Variants in NEK3 observed in about 807,000 individuals in gnomAD.
NEK3 encodes NIMA related kinase 3, also known as serine/threonine-protein kinase Nek3.
NEK3 carries 54 observed loss-of-function variants against 66.0 expected under a neutral mutation model. That is an observed-to-expected ratio of 0.82 (90% CI 0.66 to 1.03). The LOEUF (loss-of-function observed/expected upper bound fraction) is 1.03, where lower values mean the gene tolerates loss of function less well. Among genes scored for constraint, NEK3 ranks in the 50% least tolerant of loss-of-function variants. The probability of loss-of-function intolerance (pLI) is 0.00; values close to 1 mark genes in which losing one functional copy is unlikely to be tolerated. For missense variants in NEK3, 593 were observed against 603.0 expected (o/e 0.98, Z 0.17); for synonymous variants, 200 against 206.2 (o/e 0.97, Z 0.26).
intron 11 of NEK3, among the ~76,000 whole-genome samples, chr13:52,138,954 G>T (rs1234042759): frequency 6.6e-6 from 1 of 151,942 alleles, no homozygotes; most frequent in Non-Finnish European, 1.5e-5. Context: ...AAGAAAGAAA[G>T]GTTGACTGAA....
Position 52,132,688 on chromosome 13 carries a change from TAA to T in NEK3, c.*452_*453del, listed in dbSNP as rs1263545977. On this transcript the variant is annotated 3_prime_UTR_variant, in exon 16 of 16. Transcript: ENST00000610828. Reference sequence around the variant, plus strand: ...TTAATTCTCAAACCTTTAGGAAATGTAAAAAGAGTCACATAATAATAAACACA... The same window carrying T: ...TTAATTCTCAAACCTTTAGGAAATGTAAAGAGTCACATAATAATAAACACA... The T allele has an allele frequency of 6.5e-6, 1 of 152,998 alleles. No individual in the cohort carries two copies. Among genetic ancestry groups the T allele is most frequent in the Non-Finnish European group, 1.5e-5 (1 of 68,538 alleles). The allele number at this position is 152,998 out of a possible 1,614,324, so 9.5% of individuals were successfully genotyped here.
At chr13:52,158,919 G>C (rs558395248) in intron 1 of NEK3, among the ~76,000 whole-genome samples, 1 of 152,174 alleles carries the variant, frequency 6.6e-6, no homozygotes, top group Non-Finnish European at 1.5e-5. Flanking sequence ...CTAGCACAGA[G>C]GCTAGGATAA....
chr13:52,156,222 C>A lies in NEK3; in HGVS notation c.-31G>T, dbSNP rs766913021. 54 of 1,350,196 alleles carry A rather than the reference C, an allele frequency of 4.0e-5. No individual in the cohort carries two copies. The highest frequency in any genetic ancestry group is 1.9e-4 in the Middle Eastern group (1 of 5,262). The allele number at this position is 1,350,196 out of a possible 1,614,324, so 83.6% of individuals were successfully genotyped here. On this transcript the variant is annotated 5_prime_UTR_variant, in exon 2 of 16. An upstream open reading frame in the 5' UTR loses its in-frame stop. Transcript: ENST00000610828. ...GGCATCCACACAGCTGGGCTCCACT[C>A]ACGCAGTCACCATGGGCTCTCCCAA...
intron 8 of NEK3, among the ~76,000 whole-genome samples, chr13:52,147,845 A>T (rs183558778): frequency 1.0e-3 from 157 of 152,268 alleles, no homozygotes; most frequent in African/African-American, 3.6e-3. Flanking sequence ...TACAAAAAAA[A>T]TTTAGCTGGG....
In NEK3 at chr13:52,136,119, T is replaced by C; in HGVS notation, c.1171A>G (p.Arg391Gly). ...LTSSLTAEDDRGGSVIKYSKN... is the reference protein window; with the variant it reads ...LTSSLTAEDDGGGSVIKYSKN... Reference sequence around the variant, plus strand: ...AGTATTCAATCTGACTACTAACCTCTATCGTCCTCTGCTGTTAAACTGGAG... The same window carrying C: ...AGTATTCAATCTGACTACTAACCTCCATCGTCCTCTGCTGTTAAACTGGAG... The change falls in exon 13 of 16, where the codon AGA becomes GGA. Residue 391 changes from arginine (R) to glycine (G), a missense_variant. Coordinates refer to ENST00000610828, the MANE Select transcript of NEK3 (RefSeq NM_002498.3). 6.2e-7 allele frequency: 1 copy of C among 1,613,744 alleles called. No individual in the cohort carries two copies. Among genetic ancestry groups the C allele is most frequent in the Non-Finnish European group, 8.5e-7 (1 of 1,179,698 alleles).
chr13:52,133,176 T>C lies in NEK3; in HGVS notation c.1487A>G (p.Lys496Arg). Residue 496 changes from lysine to arginine, a missense_variant, in exon 16 of 16, where the codon AAG (lysine) becomes AGG (arginine). By Grantham distance (26) the Lys-to-Arg change is conservative. Coordinates refer to ENST00000610828, the MANE Select transcript of NEK3 (RefSeq NM_002498.3). ...GCACAGGCCTTGCCATCCAGCTCGC[T>C]TCTTCAGCTCTGACACCCAGTCGGG... Reference protein sequence around the residue: ...DNPDWVSELKKRAGWQGLCDR With the variant: ...DNPDWVSELKRRAGWQGLCDR The C allele has an allele frequency of 6.2e-7, 1 of 1,611,342 alleles. No homozygotes were observed. Among genetic ancestry groups the C allele is most frequent in the South Asian group, 1.1e-5 (1 of 90,052 alleles).
intron 2 of NEK3, among the ~76,000 whole-genome samples, chr13:52,154,461 TAGAG>T (rs977960916): frequency 1.1e-4 from 17 of 151,996 alleles, no homozygotes; most frequent in African/African-American, 3.9e-4. Flanking sequence ...TCACCTGACT[TAGAG>T]AGCCAGTTTA....
At position 52,143,920 on chromosome 13, in the gene NEK3, T is replaced by A. The variant is rs2138198741; in HGVS notation, c.872A>T (p.Lys291Ile). The A allele has an allele frequency of 6.9e-7, 1 of 1,456,312 alleles. No individual in the cohort carries two copies. Among genetic ancestry groups the A allele is most frequent in the Non-Finnish European group, 9.4e-7 (1 of 1,067,636 alleles). 90.2% of individuals were successfully genotyped at this position (1,456,312 alleles called of 1,614,324 possible). The change falls in exon 10 of 16, where the codon AAA (lysine) becomes ATA (isoleucine). Residue 291 changes from lysine to isoleucine, a missense_variant. Lys to Ile is a moderately radical substitution (Grantham distance 102, BLOSUM62 -3). Coordinates refer to ENST00000610828, the MANE Select transcript of NEK3 (RefSeq NM_002498.3). ...TACTCTGTCAAAATTCTTACTTTTTTTTCTTGGTGTGTTATGCTTCGAATT... is the reference window on the plus strand; with the variant it reads ...TACTCTGTCAAAATTCTTACTTTTTATTCTTGGTGTGTTATGCTTCGAATT... Reference protein sequence around the residue: ...IKNSKHNTPRKKTNPSRIRIA... With the variant: ...IKNSKHNTPRIKTNPSRIRIA...
Position 52,152,693 on chromosome 13 carries a change from C to G in NEK3, c.310-1G>C. ...ACATTTGGGTAAACCAATTAAGTAT[C>G]TGTAAGAAAAAGGTATGCAAAATCT... On this transcript the variant is annotated splice_acceptor_variant, in intron 4 of 15. Transcript: ENST00000610828. LOFTEE classifies it high-confidence loss of function. 1 of 1,601,072 alleles carries G rather than the reference C, an allele frequency of 6.2e-7. No individual in the cohort carries two copies. Among genetic ancestry groups the G allele is most frequent in the Non-Finnish European group, 8.5e-7 (1 of 1,172,372 alleles).
At position 52,135,824 on chromosome 13, in the gene NEK3, T is replaced by A; in HGVS notation, c.1214A>T (p.Lys405Met). ...GTCAGGGGTCTCTTTGAGCCACTGC[T>A]TACGAGTAGTATTTTTGCTGTACTT... Reference protein sequence around the residue: ...VIKYSKNTTRKQWLKETPDTL... With the variant: ...VIKYSKNTTRMQWLKETPDTL... Residue 405 changes from lysine to methionine, a missense_variant, in exon 14 of 16, where the codon AAG becomes ATG. Lys to Met is a moderately conservative substitution (Grantham distance 95). Transcript: ENST00000610828. 1 of 1,613,670 alleles carries A rather than the reference T, an allele frequency of 6.2e-7. No individual in the cohort carries two copies. The highest frequency in any genetic ancestry group is 1.6e-4 in the Middle Eastern group (1 of 6,062).
At chr13:52,150,138 C>T (rs1304028854) in intron 7 of NEK3, among the ~76,000 whole-genome samples, 1 of 152,158 alleles carries the variant, frequency 6.6e-6, no homozygotes, top group Non-Finnish European at 1.5e-5. Flanking sequence ...GATTGTCATA[C>T]CCTTTTCAGA....
intron 11 of NEK3, among the ~76,000 whole-genome samples, chr13:52,139,790 C>T (rs1956232390): frequency 6.6e-6 from 1 of 151,340 alleles, no homozygotes; most frequent in South Asian, 2.1e-4. Flanking sequence ...TCCCAGCTAA[C>T]CAGGAGGCTG....
At chr13:52,152,945 T>C (rs1015394576) in intron 4 of NEK3, among the ~76,000 whole-genome samples, 11 of 152,196 alleles carry the variant, frequency 7.2e-5, no homozygotes, top group Non-Finnish European at 1.3e-4. Context: ...CTTCTACTTA[T>C]ATTATTCTTA....
chr13:52,145,340 G>A (rs1173592981), intron 8 of NEK3, among the ~76,000 whole-genome samples: 2 of 152,224 alleles, frequency 1.3e-5, no homozygotes, highest in East Asian at 1.9e-4. Flanking sequence ...TTCTACAGGT[G>A]GTTTTTTGGC....
chr13:52,154,588 C>T (rs1956376022), intron 2 of NEK3, among the ~76,000 whole-genome samples: 1 of 151,612 alleles, frequency 6.6e-6, no homozygotes, highest in Non-Finnish European at 1.5e-5. Context: ...CATGTTTTGA[C>T]TGTCTGCATC....
intron 4 of NEK3, among the ~76,000 whole-genome samples, chr13:52,153,278 G>C (rs1400074099): frequency 6.6e-6 from 1 of 151,606 alleles, no homozygotes; most frequent in East Asian, 1.9e-4. Context: ...TTCCTTCTAC[G>C]GAACCCACAT....
intron 5 of NEK3, among the ~76,000 whole-genome samples, chr13:52,151,979 G>A (rs1173585432): frequency 6.6e-6 from 1 of 152,180 alleles, no homozygotes; most frequent in Non-Finnish European, 1.5e-5. Flanking sequence ...TAGCCTAGGT[G>A]TGTAATAGGC....
chr13:52,154,009 C>G lies in NEK3; in HGVS notation c.212-17G>C, dbSNP rs1416664968. Reference sequence around the variant, plus strand: ...GTCCTTCAGCTAAAACAGATATAAGCTCTTTAGAAAAGCTGTAGTGGCTAT... The same window carrying G: ...GTCCTTCAGCTAAAACAGATATAAGGTCTTTAGAAAAGCTGTAGTGGCTAT... On this transcript the variant is annotated splice_polypyrimidine_tract_variant and intron_variant, in intron 3 of 15. Coordinates refer to ENST00000610828, the MANE Select transcript of NEK3 (RefSeq NM_002498.3). 6.2e-7 allele frequency: 1 copy of G among 1,607,436 alleles called. No individual in the cohort carries two copies. Among genetic ancestry groups the G allele is most frequent in the South Asian group, 1.1e-5 (1 of 90,858 alleles).
chr13:52,133,006 TTTAAGTA>T lies in NEK3; in HGVS notation c.*129_*135del, dbSNP rs779475378. ...ACTCACGATACTAATCAAGAACGAT[TTTAAGTA>T]TTAAGAGTTTCCTCTGCTTCATTCT... On this transcript the variant is annotated 3_prime_UTR_variant, in exon 16 of 16. Transcript: ENST00000610828. The T allele has an allele frequency of 1.7e-4, 123 of 708,404 alleles. No homozygotes were observed. Among genetic ancestry groups the T allele is most frequent in the Non-Finnish European group, 2.6e-4 (110 of 423,016 alleles). 43.9% of individuals were successfully genotyped at this position (708,404 alleles called of 1,614,324 possible).
Sources: gnomAD v4.1 joint callset for allele counts (sites outside exome capture counted in the v4.1 genomes callset) on GRCh38, gnomAD v4.1.1 for gene constraint, MANE v1.5 for transcripts, NCBI Gene and HGNC (gene_info 2026-07-23, HGNC 2026-07-21) for gene names.